The following PCDHGA10 variants were observed in gnomAD, a reference collection of about 807,000 sequenced individuals.
PCDHGA10 encodes protocadherin gamma-A10.
Under a neutral mutation model 59.5 loss-of-function variants are expected in PCDHGA10, and 42 were observed. The observed-to-expected ratio is 0.71, with a 90% CI of 0.55 to 0.91. The LOEUF (loss-of-function observed/expected upper bound fraction) is 0.91, where lower values mean the gene tolerates loss of function less well. PCDHGA10 is among the 40% of genes least tolerant of loss of function. PCDHGA10 has a pLI of 0.00. For synonymous variants in PCDHGA10, 511 were observed against 517.2 expected (o/e 0.99, Z 0.16); for missense variants, 1,111 against 1,198.2 (o/e 0.93, Z 1.07).
At chr5:141,418,149 AAG>A (rs768024698) in intron 1 of PCDHGA10, 1 of 1,613,982 alleles carries the variant, frequency 6.2e-7, no homozygotes, top group Non-Finnish European at 8.5e-7. Flanking sequence ...CAAATATGCA[AAG>A]AGAGAAGAAG....
intron 1 of PCDHGA10, among the ~76,000 whole-genome samples, chr5:141,439,243 T>C (rs2098101178): frequency 6.6e-6 from 1 of 151,962 alleles, no homozygotes; most frequent in Non-Finnish European, 1.5e-5. Flanking sequence ...CCTATACAAT[T>C]TCAGCTGAAG....
At chr5:141,471,263 C>T (rs2099253826) in intron 1 of PCDHGA10, 1 of 151,898 alleles carries the variant, frequency 6.6e-6, no homozygotes, top group African/African-American at 2.4e-5. Context: ...GTTGGCAAGG[C>T]TGGTCTCAAA....
intron 1 of PCDHGA10, chr5:141,428,158 G>C (rs776350833): frequency 3.8e-6 from 6 of 1,577,610 alleles, no homozygotes; most frequent in Non-Finnish European, 5.2e-6. Context: ...GGAACCTGCT[G>C]GTTGCTGTGC....
At chr5:141,420,391 G>C in intron 1 of PCDHGA10, 1 of 1,270,636 alleles carries the variant, frequency 7.9e-7, no homozygotes, top group Non-Finnish European at 1.0e-6. Flanking sequence ...GCAAAATATA[G>C]GTCAAATTTA....
At position 141,414,805 on chromosome 5, in the gene PCDHGA10, C is replaced by T. The variant is rs1464881022; in HGVS notation, c.1630C>T (p.Pro544Ser). The T allele has an allele frequency of 1.2e-6, 2 of 1,614,224 alleles. No homozygotes were observed. The highest frequency in any genetic ancestry group is 1.6e-4 in the Middle Eastern group (1 of 6,062). ...GGTGACAGCCAGCGACAGCGGGGAT[C>T]CTCCACTCAGCAGCAACGTGTCGTT... The part of the protein sequence containing the change: ...MQVTASDSGD[P>S]PLSSNVSLSL... The change falls in exon 1 of 4, where the codon CCT (proline) becomes TCT (serine). Residue 544 changes from proline (P) to serine (S), a missense_variant. Coordinates refer to ENST00000398610, the MANE Select transcript of PCDHGA10 (RefSeq NM_018913.3).
intron 1 of PCDHGA10, among the ~76,000 whole-genome samples, chr5:141,452,068 A>G (rs554365813): frequency 1.1e-3 from 160 of 152,308 alleles, no homozygotes; most frequent in Middle Eastern, 6.8e-3. Flanking sequence ...TTCTACTTTT[A>G]TTAGTTGGCA....
intron 1 of PCDHGA10, chr5:141,422,581 G>A (rs1223117895): frequency 3.7e-6 from 6 of 1,613,984 alleles, no homozygotes; most frequent in Non-Finnish European, 4.2e-6. Flanking sequence ...TAACCCTCCC[G>A]TTTTTCCTCA....
Position 141,490,089 on chromosome 5 carries a change from C to G in PCDHGA10, c.2437-4718C>G. On this transcript the variant is annotated intron_variant, in intron 1 of 3. Transcript: ENST00000398610. This position sits in a 1 kb window ranked among gnomAD's most constrained non-coding sequence, Gnocchi z 5.4. ...GCCAACTAGACTATTCTTTTGGAGACCACACATCTGAGGCAGTGCGGAACC... is the reference window on the plus strand; with the variant it reads ...GCCAACTAGACTATTCTTTTGGAGAGCACACATCTGAGGCAGTGCGGAACC... 1 of 1,614,232 alleles carries G rather than the reference C, an allele frequency of 6.2e-7. No homozygotes were observed. The highest frequency in any genetic ancestry group is 8.5e-7 in the Non-Finnish European group (1 of 1,180,026).
chr5:141,417,963 A>C (rs1260025037), intron 1 of PCDHGA10: 1 of 1,613,258 alleles, frequency 6.2e-7, no homozygotes, highest in Non-Finnish European at 8.5e-7. Flanking sequence ...CCGATCCGCT[A>C]CTCGATTCCG....
chr5:141,487,323 G>A lies in PCDHGA10; in HGVS notation c.2437-7484G>A, dbSNP rs374901235. Reference sequence around the variant, plus strand: ...GTGGCACTACTCTCTAAGTGTCTTCGTGGGGCAGCCTGTGGAGTCACATGC... The same window carrying A: ...GTGGCACTACTCTCTAAGTGTCTTCATGGGGCAGCCTGTGGAGTCACATGC... On this transcript the variant is annotated intron_variant, in intron 1 of 3. Coordinates refer to ENST00000398610, the MANE Select transcript of PCDHGA10 (RefSeq NM_018913.3). The surrounding 1 kb of genome is among the most constrained non-coding windows in gnomAD (Gnocchi z 5.0). 4.0e-5 allele frequency: 65 copies of A among 1,613,982 alleles called. No homozygotes were observed. Among genetic ancestry groups the A allele is most frequent in the Non-Finnish European group, 4.7e-5 (56 of 1,180,012 alleles).
chr5:141,423,300 G>T, intron 1 of PCDHGA10: 2 of 1,614,146 alleles, frequency 1.2e-6, no homozygotes, highest in African/African-American at 1.3e-5. Context: ...CAGACCTCTC[G>T]CTGTACTTGG....
In PCDHGA10 at chr5:141,476,343, T is replaced by A; in HGVS notation, c.2437-18464T>A. 1 of 1,614,012 alleles carries A rather than the reference T, an allele frequency of 6.2e-7. No individual in the cohort carries two copies. The highest frequency in any genetic ancestry group is 1.3e-5 in the African/African-American group (1 of 74,984). ...GTGGTGTCTGGAGCTAGCCGAAGAT[T>A]CTTTGAGGTGAACCGGGAGACCGGA... On this transcript the variant is annotated intron_variant, in intron 1 of 3. Transcript: ENST00000398610. This position sits in a 1 kb window ranked among gnomAD's most constrained non-coding sequence, Gnocchi z 7.6.
chr5:141,492,740 C>T (rs1364102818), intron 1 of PCDHGA10, among the ~76,000 whole-genome samples: 1 of 152,238 alleles, frequency 6.6e-6, no homozygotes, highest in African/African-American at 2.4e-5. Context: ...GCCCAGTGGC[C>T]GAGGCGCGGC....
At chr5:141,419,644 C>T (rs867285747) in intron 1 of PCDHGA10, 1 of 1,612,514 alleles carries the variant, frequency 6.2e-7, no homozygotes, top group Middle Eastern at 1.7e-4. Context: ...TGGCCGTGGA[C>T]GCGGACTCGG....
In PCDHGA10 at chr5:141,472,879, G is replaced by A. The variant is rs541980402; in HGVS notation, c.2437-21928G>A. Among the ~76,000 whole-genome samples the A allele has an allele frequency of 3.3e-5, 5 of 151,694 alleles. No homozygotes were observed. The South Asian group carries it at 6.2e-4, about 19-fold the overall frequency. ...CACATGCCTGTATTCCCAGCTACTC[G>A]GGAGGCTGAGGCAGGAGAATTGCTT... On this transcript the variant is annotated intron_variant, in intron 1 of 3. Coordinates refer to ENST00000398610, the MANE Select transcript of PCDHGA10 (RefSeq NM_018913.3).
intron 3 of PCDHGA10, among the ~76,000 whole-genome samples, 193 bp downstream of exon 3, chr5:141,505,674 G>C (rs1482125302): frequency 6.6e-6 from 1 of 152,192 alleles, no homozygotes; most frequent in East Asian, 1.9e-4. Context: ...GGGGTTGGGG[G>C]TCCTGGGATG....
At chr5:141,424,784 C>T (rs1351935601) in intron 1 of PCDHGA10, 2 of 152,062 alleles carry the variant, frequency 1.3e-5, no homozygotes, top group Non-Finnish European at 2.9e-5. Context: ...ACATTCAGTT[C>T]TTTTATTCAG....
In PCDHGA10 at chr5:141,485,713, G is replaced by A. The variant is rs769162337; in HGVS notation, c.2437-9094G>A. The stretch of plus-strand genomic sequence containing the variant: ...TGAGCTCCAATGAACACTTTGCACT[G>A]GATGTGAAGAAGCGCAGCGACGGCA... On this transcript the variant is annotated intron_variant, in intron 1 of 3. Transcript: ENST00000398610. The surrounding 1 kb of genome is among the most constrained non-coding windows in gnomAD (Gnocchi z 5.7). 2 of 1,614,084 alleles carry A rather than the reference G, an allele frequency of 1.2e-6. No homozygotes were observed. The highest frequency in any genetic ancestry group is 1.3e-5 in the African/African-American group (1 of 74,942).
At chr5:141,451,561 C>T (rs1412657561) in intron 1 of PCDHGA10, among the ~76,000 whole-genome samples, 2 of 152,096 alleles carry the variant, frequency 1.3e-5, no homozygotes, top group Non-Finnish European at 2.9e-5. Flanking sequence ...ATGAAAGCCA[C>T]AATCTTTTTA....
Sources: allele counts gnomAD v4.1 joint callset (sites outside exome capture counted in the v4.1 genomes callset), GRCh38; gene constraint gnomAD v4.1.1; non-coding constraint Gnocchi (gnomAD v3.1); transcripts MANE v1.5; gene names NCBI Gene and HGNC (gene_info 2026-07-23, HGNC 2026-07-21).